Variants in CREB5 observed in about 807,000 individuals in gnomAD.
CREB5 encodes cyclic AMP-responsive element-binding protein 5.
A neutral mutation model predicts 57.1 loss-of-function variants in CREB5; 19 were observed. That is an observed-to-expected ratio of 0.33 (90% CI 0.23 to 0.49). The LOEUF (loss-of-function observed/expected upper bound fraction) is 0.49, where lower values mean the gene tolerates loss of function less well. CREB5 is among the 20% of genes least tolerant of loss of function. CREB5 has a pLI of 0.99. For missense variants in CREB5, 579 were observed against 671.6 expected (o/e 0.86, Z 1.52); for synonymous variants, 238 against 238.3 (o/e 1.00, Z 0.01).
At chr7:28,316,852 T>C (rs1021440577) in intron 1 of CREB5, among the ~76,000 whole-genome samples, 1 of 152,020 alleles carries the variant, frequency 6.6e-6, no homozygotes, top group African/African-American at 2.4e-5. Context: ...GCTGGGTTCC[T>C]GTGGCTTCTC....
chr7:28,711,520 T>G (rs12533079), intron 5 of CREB5, among the ~76,000 whole-genome samples: 21,866 of 152,206 alleles, frequency 0.14, 1,988 homozygotes, highest in South Asian at 0.23. Context: ...CAAAAAGATA[T>G]GGGTAATAAG....
chr7:28,365,705 GC>G lies in CREB5; in HGVS notation c.-25+66267del, dbSNP rs532336220. 3.1e-3 allele frequency among the ~76,000 whole-genome samples: 474 copies of G among 152,236 alleles called. 3 individuals carry two copies. Among genetic ancestry groups the G allele is most frequent in the African/African-American group, 0.011 (441 of 41,538 alleles). ...TACAGAAACTGCGCTCCTCTAGGTC[GC>G]CCATGACCTGTCTGTTGCCAATCCA... On this transcript the variant is annotated intron_variant, in intron 1 of 9. Transcript: ENST00000396299.
In CREB5 at chr7:28,493,283, T is replaced by A. The variant is rs1791884361; in HGVS notation, c.76-1623T>A. Among the ~76,000 whole-genome samples, 3 of 152,238 alleles carry A rather than the reference T, an allele frequency of 2.0e-5. No individual in the cohort carries two copies. In the South Asian group the frequency reaches 6.2e-4, roughly 32 times the overall value. On this transcript the variant is annotated intron_variant, in intron 2 of 10. Coordinates refer to ENST00000357727, the MANE Select transcript of CREB5 (RefSeq NM_182898.4). ...TTCAGCAGAATATATCATCCTCTGT[T>A]GTATTTTCATTTGACATTGATAAAG...
At chr7:28,300,644 T>A (rs1785084492) in intron 1 of CREB5, among the ~76,000 whole-genome samples, 1 of 152,162 alleles carries the variant, frequency 6.6e-6, no homozygotes, top group Non-Finnish European at 1.5e-5. Context: ...AAACCATGGA[T>A]AGTCTGTGCC....
chr7:28,523,029 G>T (rs1186085383), intron 4 of CREB5, among the ~76,000 whole-genome samples: 1 of 152,176 alleles, frequency 6.6e-6, no homozygotes, highest in Non-Finnish European at 1.5e-5. Flanking sequence ...CCATCCTAGA[G>T]TAAAATGAAC....
intron 1 of CREB5, among the ~76,000 whole-genome samples, chr7:28,421,071 C>T (rs1788228035): frequency 6.6e-6 from 1 of 152,056 alleles, no homozygotes; most frequent in African/African-American, 2.4e-5. Context: ...GAAGTCTGGG[C>T]TTTTAGTGCA....
chr7:28,589,978 G>A (rs2128663243), intron 5 of CREB5, among the ~76,000 whole-genome samples: 1 of 152,302 alleles, frequency 6.6e-6, no homozygotes, highest in African/African-American at 2.4e-5. Context: ...CTGGTGGTAT[G>A]GGACTCAGCT....
chr7:28,469,312 C>T (rs985571838), intron 1 of CREB5, among the ~76,000 whole-genome samples: 11 of 152,270 alleles, frequency 7.2e-5, no homozygotes, highest in African/African-American at 2.6e-4. Context: ...ACAAATACGC[C>T]TATGGATTTA....
intron 2 of CREB5, among the ~76,000 whole-genome samples, 153 bp from the exon 3 acceptor site, chr7:28,494,753 T>C: frequency 6.6e-6 from 1 of 152,124 alleles, no homozygotes; most frequent in East Asian, 1.9e-4. Context: ...CACTTACTCA[T>C]GCTTTCACAC....
chr7:28,444,482 G>A (rs1050913322), intron 1 of CREB5, among the ~76,000 whole-genome samples: 1 of 152,156 alleles, frequency 6.6e-6, no homozygotes, highest in Non-Finnish European at 1.5e-5. Context: ...ACCTACCTTT[G>A]AACTGTCGTG....
chr7:28,469,071 T>C (rs1043672704), intron 1 of CREB5, among the ~76,000 whole-genome samples: 4 of 152,062 alleles, frequency 2.6e-5, no homozygotes, highest in Admixed American at 6.6e-5. Context: ...GATAAATAAG[T>C]AGGGCCAGGC....
At chr7:28,352,969 C>A (rs544522603) in intron 1 of CREB5, among the ~76,000 whole-genome samples, 52 of 152,316 alleles carry the variant, frequency 3.4e-4, no homozygotes, top group African/African-American at 1.2e-3. Context: ...ACATGCCTAC[C>A]TCTTAATAGG....
chr7:28,457,807 C>G (rs186216450), intron 1 of CREB5, among the ~76,000 whole-genome samples: 327 of 152,192 alleles, frequency 2.1e-3, no homozygotes, highest in Admixed American at 5.2e-3. Context: ...AATCTTGGGC[C>G]AGCCCTATTG....
chr7:28,560,899 TGCGCGCGTGCGTGTGCGTGTGTGC>T (rs1583630031), intron 4 of CREB5, among the ~76,000 whole-genome samples: 4 of 18,664 alleles, frequency 2.1e-4, no homozygotes, highest in African/African-American at 7.5e-4. Context: ...TGTGTGTGCG[TGCGCGCGTGCGTGTGCGTGTGTGC>T]GCGTGCGTGT....
chr7:28,535,801 G>T (rs1425681338), intron 4 of CREB5, among the ~76,000 whole-genome samples: 1 of 152,116 alleles, frequency 6.6e-6, no homozygotes. Context: ...GCCCTCCTAG[G>T]CTAACCATTT....
intron 1 of CREB5, among the ~76,000 whole-genome samples, chr7:28,351,453 C>A (rs974809145): frequency 6.6e-6 from 1 of 152,206 alleles, no homozygotes; most frequent in Non-Finnish European, 1.5e-5. Flanking sequence ...AGGTTGCCTG[C>A]ACCAAGATCA....
At chr7:28,655,021 C>G (rs1799282237) in intron 5 of CREB5, among the ~76,000 whole-genome samples, 1 of 152,046 alleles carries the variant, frequency 6.6e-6, no homozygotes, top group South Asian at 2.1e-4. Context: ...GGTGATCCTC[C>G]CACAGCAGCC....
intron 4 of CREB5, among the ~76,000 whole-genome samples, chr7:28,511,277 G>T (rs571335156): frequency 3.9e-4 from 59 of 152,054 alleles, no homozygotes; most frequent in South Asian, 3.7e-3. Flanking sequence ...TCTGAACCAG[G>T]TACGTACTGG....
Position 28,517,983 on chromosome 7 carries a change from G to A in CREB5, c.291+10246G>A, listed in dbSNP as rs140305656. Among the ~76,000 whole-genome samples the A allele has an allele frequency of 6.6e-5, 10 of 152,184 alleles. No individual in the cohort carries two copies. The East Asian group carries it at 1.7e-3, about 26-fold the overall frequency. ...GATGACATTTTGTAAGACAACATTC[G>A]AGCTATTATTCGAGAGTTTTGAAGC... On this transcript the variant is annotated intron_variant, in intron 4 of 10. Coordinates refer to ENST00000357727, the MANE Select transcript of CREB5 (RefSeq NM_182898.4).
Sources: allele counts gnomAD v4.1 joint callset (sites outside exome capture counted in the v4.1 genomes callset), GRCh38; gene constraint gnomAD v4.1.1; transcripts MANE v1.5; gene names NCBI Gene and HGNC (gene_info 2026-07-23, HGNC 2026-07-21).